SLC8A1: variants seen among roughly 807,000 people sequenced by gnomAD.
SLC8A1 encodes solute carrier family 8 member A1.
SLC8A1 carries 18 observed loss-of-function variants against 68.3 expected under a neutral mutation model. That is an observed-to-expected ratio of 0.26 (90% confidence interval 0.18 to 0.39). The LOEUF is 0.39. Ranked by LOEUF, SLC8A1 falls within the 10% of genes least tolerant of loss-of-function variation. The pLI, the probability that SLC8A1 is intolerant of heterozygous loss-of-function variation, is 1.00. For missense variants in SLC8A1, 985 were observed against 1,156.7 expected, an observed-to-expected ratio of 0.85 and a Z score of 2.15; for synonymous variants, 475 against 415.5, an observed-to-expected ratio of 1.14 and a Z score of -1.74.
chr2:40,368,040 C>G (rs906242194), intron 2 of SLC8A1, among the ~76,000 whole-genome samples: 3 of 152,068 alleles, frequency 2.0e-5, no homozygotes, highest in Non-Finnish European at 4.4e-5. Flanking sequence ...AATTTTTAAT[C>G]TATCATGCAC....
At chr2:40,382,036 G>C (rs1414136850) in intron 2 of SLC8A1, among the ~76,000 whole-genome samples, 1 of 152,032 alleles carries the variant, frequency 6.6e-6, no homozygotes, top group Non-Finnish European at 1.5e-5. Context: ...AATAATCATT[G>C]TTTCAGTGAT....
intron 2 of SLC8A1, among the ~76,000 whole-genome samples, chr2:40,423,410 T>G (rs1048579758): frequency 6.6e-6 from 1 of 152,060 alleles, no homozygotes; most frequent in Non-Finnish European, 1.5e-5. Flanking sequence ...AAGGAGCATA[T>G]TTTTTCTATT....
chr2:40,215,489 T>A (rs1211084405), intron 2 of SLC8A1, among the ~76,000 whole-genome samples: 1 of 151,446 alleles, frequency 6.6e-6, no homozygotes, highest in Non-Finnish European at 1.5e-5. Flanking sequence ...TACAAAAAAT[T>A]AGCCGGGCAC....
chr2:40,425,154 T>C (rs890073071), intron 2 of SLC8A1, among the ~76,000 whole-genome samples: 1 of 151,938 alleles, frequency 6.6e-6, no homozygotes, highest in African/African-American at 2.4e-5. Flanking sequence ...TAGCTGTTAA[T>C]TATATCTATT....
chr2:40,178,251 C>T (rs2048834568), intron 2 of SLC8A1, 136 bp downstream of exon 3: 3 of 717,918 alleles, frequency 4.2e-6, no homozygotes, highest in South Asian at 1.6e-5. Flanking sequence ...TACTGTGGCT[C>T]AGCATGAGAT....
chr2:40,150,571 T>C (rs2043233873), intron 6 of SLC8A1, among the ~76,000 whole-genome samples: 1 of 152,212 alleles, frequency 6.6e-6, no homozygotes, highest in Non-Finnish European at 1.5e-5. Context: ...GACCCAGTGA[T>C]GGCACATTGT....
chr2:40,105,405 A>G (rs555479750), exon 8 of SLC8A1: 12 of 152,350 alleles, frequency 7.9e-5, no homozygotes, highest in African/African-American at 2.6e-4. Context: ...GTATAGTAAT[A>G]CTATCCATGG....
chr2:40,342,941 C>T (rs2149414665), intron 2 of SLC8A1, among the ~76,000 whole-genome samples: 1 of 152,182 alleles, frequency 6.6e-6, no homozygotes, highest in Non-Finnish European at 1.5e-5. Flanking sequence ...ACAGAGGTCC[C>T]TCACAGTGTA....
chr2:40,430,105 A>AC lies in SLC8A1; in HGVS notation c.175dup (p.Val59GlyfsTer19). ...TTGGGGTTCCCAAATGGGCAAAATCACCCCTTTCTTACAGTAATATGATCC... is the reference window on the plus strand; with the variant it reads ...TTGGGGTTCCCAAATGGGCAAAATCACCCCCTTTCTTACAGTAATATGATCC... On this transcript the variant is annotated frameshift_variant, in exon 2 of 8. Coordinates refer to ENST00000406785, the Ensembl canonical transcript of SLC8A1. LOFTEE classifies it high-confidence loss of function. 6.2e-7 allele frequency: 1 copy of AC among 1,613,634 alleles called. No homozygotes were observed. Among genetic ancestry groups the AC allele is most frequent in the Non-Finnish European group, 8.5e-7 (1 of 1,179,824 alleles).
intron 2 of SLC8A1, among the ~76,000 whole-genome samples, chr2:40,234,536 C>G (rs2060107634): frequency 6.6e-6 from 1 of 152,088 alleles, no homozygotes; most frequent in African/African-American, 2.4e-5. Context: ...ACAATCATGT[C>G]TTCTGCAAAA....
intron 7 of SLC8A1, among the ~76,000 whole-genome samples, chr2:40,131,583 A>T (rs2039340634): frequency 6.6e-6 from 1 of 152,142 alleles, no homozygotes; most frequent in Non-Finnish European, 1.5e-5. Flanking sequence ...GGTTGGTGAG[A>T]CCTTGGAATA....
chr2:40,381,283 C>T (rs1681695146), intron 2 of SLC8A1, among the ~76,000 whole-genome samples: 1 of 151,984 alleles, frequency 6.6e-6, no homozygotes. Context: ...CATGCTCCAC[C>T]CACCCACCCA....
chr2:40,179,353 A>G (rs976386175), intron 2 of SLC8A1, among the ~76,000 whole-genome samples: 1 of 152,228 alleles, frequency 6.6e-6, no homozygotes, highest in Non-Finnish European at 1.5e-5. Flanking sequence ...CTGTAATCCA[A>G]CCTTTAACAG....
At chr2:40,269,072 TGA>T (rs1231032058) in intron 2 of SLC8A1, among the ~76,000 whole-genome samples, 1 of 152,200 alleles carries the variant, frequency 6.6e-6, no homozygotes, top group Non-Finnish European at 1.5e-5. Context: ...CTATGAGACC[TGA>T]GAGAGTCAGA....
At chr2:40,432,401 T>TGTGTGTG (rs1553607883) in intron 1 of SLC8A1, among the ~76,000 whole-genome samples, 2 of 128,736 alleles carry the variant, frequency 1.6e-5, no homozygotes, top group Admixed American at 8.4e-5. Context: ...GAGTGTGAGA[T>TGTGTGTG]TGTGTGTGTG....
At chr2:40,366,983 A>C (rs1274543958) in intron 2 of SLC8A1, among the ~76,000 whole-genome samples, 1 of 151,962 alleles carries the variant, frequency 6.6e-6, no homozygotes, top group Non-Finnish European at 1.5e-5. Flanking sequence ...TTAAAATTCC[A>C]CCTGAGATTA....
intron 7 of SLC8A1, among the ~76,000 whole-genome samples, chr2:40,127,019 G>A (rs947853436): frequency 3.9e-5 from 6 of 152,140 alleles, no homozygotes; most frequent in Admixed American, 3.9e-4. Flanking sequence ...TTTTTAAATG[G>A]TATTTATCTC....
intron 2 of SLC8A1, among the ~76,000 whole-genome samples, chr2:40,303,090 G>C (rs2071833705): frequency 6.6e-6 from 1 of 152,144 alleles, no homozygotes; most frequent in African/African-American, 2.4e-5. Flanking sequence ...TCTGTATACA[G>C]TTACTACACA....
chr2:40,487,588 T>C (rs1387783134), intron 1 of SLC8A1, among the ~76,000 whole-genome samples: 1 of 152,174 alleles, frequency 6.6e-6, no homozygotes, highest in Admixed American at 6.5e-5. Context: ...TTTGGATATA[T>C]TAACACAGTA....
Sources: allele counts gnomAD v4.1 joint callset (sites outside exome capture counted in the v4.1 genomes callset), GRCh38; gene constraint gnomAD v4.1.1; transcripts MANE v1.5; gene names NCBI Gene and HGNC (gene_info 2026-07-23, HGNC 2026-07-21).